PPP1R12B: variants seen among roughly 807,000 people sequenced by gnomAD.
PPP1R12B encodes the protein protein phosphatase 1 regulatory subunit 12B, also known as myosin phosphatase target subunit 2.
PPP1R12B carries 76 observed loss-of-function variants against 126.1 expected under a neutral mutation model. The observed-to-expected ratio is 0.60, with a 90% CI of 0.50 to 0.73. The LOEUF is 0.73. Ranked by LOEUF, PPP1R12B falls within the 30% of genes least tolerant of loss-of-function variation. The pLI, the probability that PPP1R12B is intolerant of heterozygous loss-of-function variation, is 0.00. For missense variants in PPP1R12B, 1,052 were observed against 1,205.1 expected (o/e 0.87, Z 1.88); for synonymous variants, 356 against 434.7 (o/e 0.82, Z 2.25).
At chr1:202,356,824 T>C (rs532720683) in intron 1 of PPP1R12B, among the ~76,000 whole-genome samples, 4 of 151,100 alleles carry the variant, frequency 2.6e-5, no homozygotes, top group Non-Finnish European at 5.9e-5. Flanking sequence ...TTTCAGACTT[T>C]TTTTTTTTTT....
Position 202,431,625 on chromosome 1 carries a change from G to A in PPP1R12B, c.1141+6G>A. 1 of 1,602,978 alleles carries A rather than the reference G, an allele frequency of 6.2e-7. No homozygotes were observed. The highest frequency in any genetic ancestry group is 2.2e-5 in the East Asian group (1 of 44,496). ...AGAAACTGAGAAGGAGGCAGGTAAT[G>A]CAAAGATGTTCATAGTGAAGATCCT... On this transcript the variant is annotated splice_donor_region_variant and intron_variant, in intron 8 of 23. Coordinates refer to ENST00000608999, the MANE Select transcript of PPP1R12B (RefSeq NM_002481.4).
At chr1:202,528,339 G>T (rs961718030) in intron 18 of PPP1R12B, among the ~76,000 whole-genome samples, 3 of 152,176 alleles carry the variant, frequency 2.0e-5, no homozygotes, top group African/African-American at 7.2e-5. Context: ...CATGCCCTTT[G>T]TGCTCAAAGA....
At chr1:202,479,133 G>T (rs528078329) in intron 13 of PPP1R12B, among the ~76,000 whole-genome samples, 2 of 152,080 alleles carry the variant, frequency 1.3e-5, no homozygotes, top group African/African-American at 2.4e-5. Context: ...ACTCAGAGGC[G>T]AGGAATATAT....
rs1471314704 is a variant in PPP1R12B, at chr1:202,463,059, C to T, written c.1850+13888C>T. 12 of 985,132 alleles carry T rather than the reference C, an allele frequency of 1.2e-5. No individual in the cohort carries two copies. The Admixed American group carries it at 7.4e-4, about 61-fold the overall frequency. 61.0% of individuals were successfully genotyped at this position (985,132 alleles called of 1,614,324 possible). A position where few individuals can be genotyped will look rare whatever the true frequency, so the allele number is the denominator to read the frequency against. ...CTAACTCCAGTGTGCTGAGTTGAGACATCAGCAAGTGCTGGGCCTGGAATG... is the reference window on the plus strand; with the variant it reads ...CTAACTCCAGTGTGCTGAGTTGAGATATCAGCAAGTGCTGGGCCTGGAATG... On this transcript the variant is annotated intron_variant, in intron 13 of 23. Coordinates refer to ENST00000608999, the MANE Select transcript of PPP1R12B (RefSeq NM_002481.4).
chr1:202,437,798 T>A, intron 9 of PPP1R12B, 23 bp from the exon 10 acceptor site: 1 of 1,568,484 alleles, frequency 6.4e-7, no homozygotes, highest in Admixed American at 1.9e-5. Flanking sequence ...ATTTTTCATT[T>A]CTTTTATTTG....
In PPP1R12B at chr1:202,349,985, C is replaced by G. The variant is rs935374047; in HGVS notation, c.291+843C>G. 2.6e-5 allele frequency among the ~76,000 whole-genome samples: 4 copies of G among 152,280 alleles called. No homozygotes were observed. In the South Asian group the frequency reaches 8.3e-4, roughly 32 times the overall value. ...CTGCCATGACTAACTACCCCTCTCT[C>G]CTCAAATGGAACTTCATCAGTTATT... is the stretch of plus-strand genomic sequence containing the variant. On this transcript the variant is annotated intron_variant, in intron 1 of 23. Coordinates refer to ENST00000608999, the MANE Select transcript of PPP1R12B (RefSeq NM_002481.4).
At chr1:202,400,089 C>T (rs1665606759) in intron 1 of PPP1R12B, among the ~76,000 whole-genome samples, 1 of 152,002 alleles carries the variant, frequency 6.6e-6, no homozygotes, top group African/African-American at 2.4e-5. Context: ...GTTTAGCTCA[C>T]ACTTATAAGT....
chr1:202,351,284 G>T (rs1334796920), intron 1 of PPP1R12B, among the ~76,000 whole-genome samples: 1 of 116,930 alleles, frequency 8.6e-6, no homozygotes, highest in Non-Finnish European at 1.8e-5. Flanking sequence ...TCCCAGGCTG[G>T]AGTACAGTGG....
At chr1:202,468,205 C>T (rs992673652) in intron 13 of PPP1R12B, among the ~76,000 whole-genome samples, 9 of 151,956 alleles carry the variant, frequency 5.9e-5, no homozygotes, top group Non-Finnish European at 1.2e-4. Flanking sequence ...GTTTCTTTTG[C>T]TGTGCAGAAG....
chr1:202,551,404 T>G (rs1349445841), intron 18 of PPP1R12B, among the ~76,000 whole-genome samples: 1 of 152,178 alleles, frequency 6.6e-6, no homozygotes, highest in African/African-American at 2.4e-5. Flanking sequence ...CGCCTGTTTT[T>G]TTCCCTGCAT....
chr1:202,566,608 C>T (rs530046568), intron 21 of PPP1R12B, among the ~76,000 whole-genome samples: 76 of 152,190 alleles, frequency 5.0e-4, no homozygotes, highest in Non-Finnish European at 1.0e-3. Context: ...TTCTACAGCT[C>T]CTCAGGCTTA....
chr1:202,522,988 A>G (rs960161072), intron 18 of PPP1R12B, among the ~76,000 whole-genome samples: 1 of 152,242 alleles, frequency 6.6e-6, no homozygotes, highest in Admixed American at 6.5e-5. Flanking sequence ...AGAAACCAGT[A>G]TATCAAAAAG....
intron 18 of PPP1R12B, among the ~76,000 whole-genome samples, chr1:202,500,801 A>G (rs1680144538): frequency 2.0e-5 from 3 of 152,254 alleles, no homozygotes; most frequent in Non-Finnish European, 4.4e-5. Flanking sequence ...CATATTGCAT[A>G]TATGTATTGA....
intron 5 of PPP1R12B, chr1:202,428,616 A>G (rs1252504206): frequency 2.2e-6 from 1 of 455,900 alleles, no homozygotes; most frequent in African/African-American, 2.1e-5. Flanking sequence ...AGGATTAGAA[A>G]TGGTGTGATT....
chr1:202,410,631 A>AG (rs1291577261), intron 1 of PPP1R12B, among the ~76,000 whole-genome samples: 3 of 152,174 alleles, frequency 2.0e-5, no homozygotes, highest in African/African-American at 7.2e-5. Context: ...ATATGGAGAG[A>AG]GCAGTATCAG....
Position 202,353,627 on chromosome 1 carries a change from T to TGTGTGA in PPP1R12B, c.291+4488_291+4489insTGAGTG, listed in dbSNP as rs1553260724. On this transcript the variant is annotated intron_variant, in intron 1 of 23. Coordinates refer to ENST00000608999, the MANE Select transcript of PPP1R12B (RefSeq NM_002481.4). The stretch of plus-strand genomic sequence containing the variant: ...GTGTGTGTGTGTGTGTGTGTGTGTG[T>TGTGTGA]GTGACAGGGTCTTGCCCTGTTACCC... Among the ~76,000 whole-genome samples, 4 of 142,446 alleles carry TGTGTGA rather than the reference T, an allele frequency of 2.8e-5. No individual in the cohort carries two copies. The East Asian group carries it at 1.3e-3, about 45-fold the overall frequency. The allele number at this position is 142,446 out of a possible 152,430, so 93.5% of individuals were successfully genotyped here.
chr1:202,488,823 G>T (rs1266374457), intron 14 of PPP1R12B, among the ~76,000 whole-genome samples, 200 bp downstream of exon 14: 1 of 152,036 alleles, frequency 6.6e-6, no homozygotes, highest in African/African-American at 2.4e-5. Flanking sequence ...GAGCATTCCT[G>T]ACTTGAGGTC....
At chr1:202,453,581 T>C (rs1673268681) in intron 13 of PPP1R12B, among the ~76,000 whole-genome samples, 1 of 152,182 alleles carries the variant, frequency 6.6e-6, no homozygotes, top group African/African-American at 2.4e-5. Flanking sequence ...CACGTGAGTA[T>C]GTATGTATGT....
chr1:202,409,633 T>C (rs1276412612), intron 1 of PPP1R12B, among the ~76,000 whole-genome samples: 1 of 152,180 alleles, frequency 6.6e-6, no homozygotes, highest in African/African-American at 2.4e-5. Context: ...ACTTTTAAAA[T>C]ATTTCCTTGC....
Sources: gnomAD v4.1 joint callset for allele counts (sites outside exome capture counted in the v4.1 genomes callset) on GRCh38, gnomAD v4.1.1 for gene constraint, MANE v1.5 for transcripts, NCBI Gene and HGNC (gene_info 2026-07-23, HGNC 2026-07-21) for gene names.